The following BEND6 variants were observed in gnomAD, a reference collection of about 807,000 sequenced individuals.
BEND6 encodes BEN domain containing 6.
BEND6 carries 24 observed loss-of-function variants against 31.8 expected under a neutral mutation model. That is an observed-to-expected ratio of 0.75 (90% CI 0.55 to 1.06). The LOEUF (loss-of-function observed/expected upper bound fraction) is 1.06, where lower values mean the gene tolerates loss of function less well. Among genes scored for constraint, BEND6 ranks in the 50% least tolerant of loss-of-function variants. The pLI, the probability that BEND6 is intolerant of heterozygous loss-of-function variation, is 0.00. For missense variants in BEND6, 294 were observed against 327.4 expected (o/e 0.90, Z 0.79); for synonymous variants, 109 against 114.6 (o/e 0.95, Z 0.31).
intron 3 of BEND6, chr6:57,009,686 G>A (rs990839660): frequency 4.6e-5 from 7 of 152,214 alleles, no homozygotes; most frequent in African/African-American, 1.7e-4. Context: ...CCATGCAGAT[G>A]TGTCAACTAG....
intron 1 of BEND6, among the ~76,000 whole-genome samples, chr6:56,974,704 C>CATTAT (rs1825812241): frequency 6.6e-6 from 1 of 152,284 alleles, no homozygotes; most frequent in African/African-American, 2.4e-5. Flanking sequence ...CATGCCATGG[C>CATTAT]ATTTTATTTT....
intron 1 of BEND6, among the ~76,000 whole-genome samples, chr6:56,957,037 C>T (rs1328396771): frequency 2.6e-5 from 4 of 152,182 alleles, no homozygotes; most frequent in Non-Finnish European, 5.9e-5. Flanking sequence ...AAATAGCCTA[C>T]GTATCCTTGA....
In BEND6 at chr6:57,025,597, C is replaced by T. The variant is rs562561753; in HGVS notation, c.*10-485C>T. Among the ~76,000 whole-genome samples, 18 of 152,324 alleles carry T rather than the reference C, an allele frequency of 1.2e-4. No homozygotes were observed. In the South Asian group the frequency reaches 1.7e-3, roughly 14 times the overall value. ...GGAACACACCTCTTACAGTGTAGTCCTGCTGAACAGGCACTCTGATTTGGT... is the reference window on the plus strand; with the variant it reads ...GGAACACACCTCTTACAGTGTAGTCTTGCTGAACAGGCACTCTGATTTGGT... On this transcript the variant is annotated intron_variant, in intron 6 of 6. Transcript: ENST00000370746.
At chr6:56,983,883 C>A (rs964414941) in intron 2 of BEND6, among the ~76,000 whole-genome samples, 1 of 152,114 alleles carries the variant, frequency 6.6e-6, no homozygotes, top group Non-Finnish European at 1.5e-5. Context: ...CTTGCTACCA[C>A]AAACAATGAC....
intron 3 of BEND6, among the ~76,000 whole-genome samples, chr6:57,012,814 A>G (rs1015872165): frequency 6.6e-6 from 1 of 152,204 alleles, no homozygotes. Flanking sequence ...AAAAAATAGT[A>G]AATATTCTTG....
rs754067609 is a variant in BEND6 at position 57,015,369 on chromosome 6, C to T, written c.519+16C>T. 1.5e-5 allele frequency: 24 copies of T among 1,585,590 alleles called. No individual in the cohort carries two copies. The highest frequency in any genetic ancestry group is 5.1e-5 in the Admixed American group (3 of 59,356). ...TGAGAAACAGGTCAGTTGTAATACC[C>T]GCCTTATTGTTCTTTGGAATATGCT... is the stretch of plus-strand genomic sequence containing the variant. On this transcript the variant is annotated intron_variant, in intron 4 of 6. Coordinates refer to ENST00000370746, the MANE Select transcript of BEND6 (RefSeq NM_152731.3).
At chr6:57,007,146 TG>T (rs778304764) in intron 3 of BEND6, among the ~76,000 whole-genome samples, 14 of 152,090 alleles carry the variant, frequency 9.2e-5, no homozygotes, top group Non-Finnish European at 1.8e-4. Context: ...AAAATGAGCC[TG>T]GTGTGGTGGC....
In BEND6 at chr6:56,965,707, A is replaced by G. The variant is rs1181968632; in HGVS notation, c.-101+10247A>G. 3.5e-5 allele frequency among the ~76,000 whole-genome samples: 5 copies of G among 143,130 alleles called. No individual in the cohort carries two copies. The East Asian group carries it at 7.9e-4, about 23-fold the overall frequency. 93.9% of individuals were successfully genotyped at this position (143,130 alleles called of 152,430 possible). A position where few individuals can be genotyped will look rare whatever the true frequency, so the allele number is the denominator to read the frequency against. Reference sequence around the variant, plus strand: ...ATATATATATATATATATATATGCGATATTAACATAGTGTATAATGGGATA... The same window carrying G: ...ATATATATATATATATATATATGCGGTATTAACATAGTGTATAATGGGATA... On this transcript the variant is annotated intron_variant, in intron 1 of 6. Coordinates refer to ENST00000370746, the MANE Select transcript of BEND6 (RefSeq NM_152731.3).
intron 6 of BEND6, among the ~76,000 whole-genome samples, chr6:57,024,816 G>T (rs1262544318): frequency 6.6e-6 from 1 of 152,152 alleles, no homozygotes; most frequent in East Asian, 1.9e-4. Flanking sequence ...GCTCTTGTGT[G>T]ATTCCCTCTT....
intron 1 of BEND6, among the ~76,000 whole-genome samples, chr6:56,969,509 A>G (rs1825613949): frequency 6.6e-6 from 1 of 152,198 alleles, no homozygotes; most frequent in African/African-American, 2.4e-5. Flanking sequence ...GAGTACTATA[A>G]GGGGTCTTTT....
intron 2 of BEND6, among the ~76,000 whole-genome samples, chr6:56,986,789 C>T (rs1022909714): frequency 6.6e-6 from 1 of 152,122 alleles, no homozygotes; most frequent in Non-Finnish European, 1.5e-5. Context: ...GAGGTTTTAA[C>T]TTCCCTGCCT....
chr6:56,990,175 G>T (rs1440013741), intron 2 of BEND6, among the ~76,000 whole-genome samples: 1 of 149,552 alleles, frequency 6.7e-6, no homozygotes, highest in Non-Finnish European at 1.5e-5. Flanking sequence ...TCCCATTTCT[G>T]CAGTAAGCTG....
At chr6:56,958,724 G>A (rs1825182095) in intron 1 of BEND6, among the ~76,000 whole-genome samples, 1 of 152,186 alleles carries the variant, frequency 6.6e-6, no homozygotes, top group Non-Finnish European at 1.5e-5. Context: ...TGGCCTGGAG[G>A]ATAGCAAAGT....
intron 6 of BEND6, among the ~76,000 whole-genome samples, chr6:57,022,573 G>GT (rs1827784659): frequency 1.3e-5 from 2 of 151,740 alleles, no homozygotes; most frequent in Non-Finnish European, 2.9e-5. Flanking sequence ...AAAAACACCA[G>GT]TTTTTTCTTT....
At chr6:56,977,469 AATAT>A (rs901833159) in intron 1 of BEND6, among the ~76,000 whole-genome samples, 2 of 152,214 alleles carry the variant, frequency 1.3e-5, no homozygotes. Context: ...ATGTGTTACA[AATAT>A]ATATAGAGCA....
chr6:56,962,589 C>G (rs1043313418), intron 1 of BEND6, among the ~76,000 whole-genome samples: 2 of 152,204 alleles, frequency 1.3e-5, no homozygotes, highest in African/African-American at 4.8e-5. Flanking sequence ...GTGCCTCAGA[C>G]CCCCCTCTGG....
intron 2 of BEND6, among the ~76,000 whole-genome samples, chr6:56,988,972 A>G (rs1826389992): frequency 6.6e-6 from 1 of 152,190 alleles, no homozygotes; most frequent in Non-Finnish European, 1.5e-5. Flanking sequence ...TGGAGGTTGC[A>G]GTGAGCCGAG....
At chr6:57,015,397 A>C in intron 4 of BEND6, 44 bp downstream of exon 4, 1 of 1,503,468 alleles carries the variant, frequency 6.7e-7, no homozygotes, top group Non-Finnish European at 9.1e-7. Flanking sequence ...AATATGCTTA[A>C]ATAAAAAATT....
At chr6:57,000,738 A>G (rs541199398) in intron 3 of BEND6, among the ~76,000 whole-genome samples, 89 of 151,796 alleles carry the variant, frequency 5.9e-4, no homozygotes, top group Middle Eastern at 3.4e-3. Context: ...CTGGGAGGCG[A>G]TTCCTTTCAG....
Sources: allele counts gnomAD v4.1 joint callset (sites outside exome capture counted in the v4.1 genomes callset), GRCh38; gene constraint gnomAD v4.1.1; transcripts MANE v1.5; gene names NCBI Gene and HGNC (gene_info 2026-07-23, HGNC 2026-07-21).